Variants in ANK3 observed in about 807,000 individuals in gnomAD.
ANK3 encodes the protein ankyrin 3, also known as ankyrin-3.
ANK3 carries 57 observed loss-of-function variants against 370.9 expected under a neutral mutation model. The observed-to-expected ratio is 0.15, with a 90% CI of 0.12 to 0.19. The LOEUF is 0.19. Ranked by LOEUF, ANK3 falls within the 10% of genes least tolerant of loss-of-function variation. The pLI is 1.00. For synonymous variants in ANK3, 1,929 were observed against 1,946.3 expected, an observed-to-expected ratio of 0.99 and a Z score of 0.23; for missense variants, 4,439 against 5,302.1, an observed-to-expected ratio of 0.84 and a Z score of 5.06.
intron 7 of ANK3, among the ~76,000 whole-genome samples, chr10:60,253,155 A>C (rs908161635): frequency 1.3e-5 from 2 of 152,130 alleles, no homozygotes; most frequent in African/African-American, 4.8e-5. Flanking sequence ...TATGTACTCT[A>C]TTGTGAAAGG....
intron 2 of ANK3, among the ~76,000 whole-genome samples, chr10:60,566,991 A>G (rs756142770): frequency 4.1e-4 from 62 of 152,236 alleles, no homozygotes; most frequent in Non-Finnish European, 7.6e-4. Flanking sequence ...GTTTGAAGCT[A>G]GTAGAGGTTG....
chr10:60,195,760 T>G (rs757746179), intron 16 of ANK3, among the ~76,000 whole-genome samples: 15 of 152,206 alleles, frequency 9.9e-5, no homozygotes, highest in Non-Finnish European at 1.9e-4. Flanking sequence ...CCTATTTTAC[T>G]AAATGCAAAT....
rs143036909 is a variant in ANK3 at position 60,321,438 on chromosome 10, G to A, written c.115-41799C>T. ...AAAAGAAAAGAAAAGAAAAGAAAAG[G>A]CATAGCTTACATGTCTTGGAACTCA... is the stretch of plus-strand genomic sequence containing the variant. On this transcript the variant is annotated intron_variant, in intron 1 of 43. Coordinates refer to ENST00000280772, the MANE Select transcript of ANK3 (RefSeq NM_020987.5). Among the ~76,000 whole-genome samples the A allele has an allele frequency of 2.9e-3, 439 of 149,068 alleles. 1 individual carries two copies. The highest frequency in any genetic ancestry group is 0.01 in the African/African-American group (423 of 41,044).
At chr10:60,465,925 A>G (rs1270799391) in intron 2 of ANK3, among the ~76,000 whole-genome samples, 1 of 151,814 alleles carries the variant, frequency 6.6e-6, no homozygotes, top group East Asian at 1.9e-4. Context: ...TAGAGCTGGA[A>G]CTACCCTAGA....
At position 60,235,118 on chromosome 10, in the gene ANK3, T is replaced by C. The variant is rs190141390; in HGVS notation, c.799-332A>G. 2.6e-5 allele frequency among the ~76,000 whole-genome samples: 4 copies of C among 152,356 alleles called. No homozygotes were observed. The East Asian group carries it at 7.7e-4, about 29-fold the overall frequency. On this transcript the variant is annotated intron_variant, in intron 7 of 43. Coordinates refer to ENST00000280772, the MANE Select transcript of ANK3 (RefSeq NM_020987.5). ...TTTCTATAATTTGAGTGATACATAC[T>C]GGCTAGTGAGTGGTTGACTAACAAG...
rs144529153 is a variant in ANK3 at position 60,313,229 on chromosome 10, G to A, written c.115-33590C>T. Among the ~76,000 whole-genome samples, 494 of 152,300 alleles carry A rather than the reference G, an allele frequency of 3.2e-3. 5 individuals are homozygous for A. Among genetic ancestry groups the A allele is most frequent in the Middle Eastern group, 0.017 (5 of 294 alleles). On this transcript the variant is annotated intron_variant, in intron 1 of 43. Coordinates refer to ENST00000280772, the MANE Select transcript of ANK3 (RefSeq NM_020987.5). ...CTTTGTTAGGGTCAACACCACTGTC[G>A]AAGAGATATCCTCAAGAGAGTTTGG...
At chr10:60,090,825 T>C (rs1392612239) in intron 28 of ANK3, among the ~76,000 whole-genome samples, 1 of 152,190 alleles carries the variant, frequency 6.6e-6, no homozygotes, top group Admixed American at 6.5e-5. Context: ...TGGGTGTGAA[T>C]GGCAATAATT....
intron 1 of ANK3, among the ~76,000 whole-genome samples, chr10:60,729,932 C>T (rs562518439): frequency 6.6e-6 from 1 of 152,268 alleles, no homozygotes; most frequent in African/African-American, 2.4e-5. Flanking sequence ...CATAGTCAAA[C>T]AGGAATCTGA....
At chr10:60,541,171 C>G (rs1938525) in intron 2 of ANK3, among the ~76,000 whole-genome samples, 1 of 151,844 alleles carries the variant, frequency 6.6e-6, no homozygotes, top group Non-Finnish European at 1.5e-5. Flanking sequence ...AAAATAAGCA[C>G]GTATGCGTGC....
chr10:60,427,003 G>A (rs1043802853), intron 2 of ANK3, among the ~76,000 whole-genome samples: 1 of 152,080 alleles, frequency 6.6e-6, no homozygotes, highest in East Asian at 1.9e-4. Flanking sequence ...CTGATGCTTC[G>A]AATTCCTTTC....
intron 1 of ANK3, among the ~76,000 whole-genome samples, chr10:60,283,125 C>T (rs1163390642): frequency 6.6e-6 from 1 of 152,144 alleles, no homozygotes; most frequent in Admixed American, 6.6e-5. Context: ...TACTCTCTCT[C>T]CTCTAAAATA....
At chr10:60,200,049 T>G in intron 13 of ANK3, 80 bp downstream of exon 13, 1 of 1,001,844 alleles carries the variant, frequency 1.0e-6, no homozygotes, top group African/African-American at 1.6e-5. Flanking sequence ...CTTGAAAGAC[T>G]GCATGTATAT....
At chr10:60,152,259 C>T (rs1281186433) in intron 23 of ANK3, among the ~76,000 whole-genome samples, 1 of 152,154 alleles carries the variant, frequency 6.6e-6, no homozygotes, top group Non-Finnish European at 1.5e-5. Flanking sequence ...CAAACCCAGC[C>T]TCTTGCCTAT....
intron 2 of ANK3, among the ~76,000 whole-genome samples, chr10:60,496,990 T>C (rs542760314): frequency 9.2e-5 from 14 of 152,284 alleles, no homozygotes; most frequent in Admixed American, 2.0e-4. Flanking sequence ...GAATACAGTA[T>C]CAGTTTTAGA....
intron 2 of ANK3, among the ~76,000 whole-genome samples, chr10:60,504,186 G>A (rs2075873848): frequency 6.6e-6 from 1 of 152,282 alleles, no homozygotes; most frequent in South Asian, 2.1e-4. Flanking sequence ...AGAGATGGGA[G>A]TAAAACCTTG....
At chr10:60,176,595 C>G (rs2095965819) in intron 18 of ANK3, among the ~76,000 whole-genome samples, 1 of 151,830 alleles carries the variant, frequency 6.6e-6, no homozygotes, top group Admixed American at 6.6e-5. Context: ...AACCCTGTCT[C>G]TACTAAAAAT....
At chr10:60,144,781 A>T (rs965407619) in intron 23 of ANK3, among the ~76,000 whole-genome samples, 3 of 152,200 alleles carry the variant, frequency 2.0e-5, no homozygotes, top group African/African-American at 7.2e-5. Context: ...GTGTGCCCTC[A>T]TTCCTTTTTA....
intron 43 of ANK3, among the ~76,000 whole-genome samples, chr10:60,041,767 T>G (rs554805454): frequency 6.6e-6 from 1 of 152,326 alleles, no homozygotes; most frequent in African/African-American, 2.4e-5. Context: ...AGAACTTACC[T>G]GGGCCTTAGT....
chr10:60,377,960 A>C (rs1454542875), intron 1 of ANK3, among the ~76,000 whole-genome samples: 1 of 152,204 alleles, frequency 6.6e-6, no homozygotes, highest in Non-Finnish European at 1.5e-5. Context: ...GTTTCCTATC[A>C]ATCCAAACTG....
Sources: gnomAD v4.1 joint callset for allele counts (sites outside exome capture counted in the v4.1 genomes callset) on GRCh38, gnomAD v4.1.1 for gene constraint, MANE v1.5 for transcripts, NCBI Gene and HGNC (gene_info 2026-07-23, HGNC 2026-07-21) for gene names.